POMGNT1: variants seen among roughly 807,000 people sequenced by gnomAD.
The protein encoded by POMGNT1 is protein O-linked mannose N-acetylglucosaminyltransferase 1 (beta 1,2-).
Under a neutral mutation model 95.6 loss-of-function variants are expected in POMGNT1, and 67 were observed. The observed-to-expected ratio is 0.70, with a 90% CI of 0.58 to 0.86. The LOEUF is 0.86. Among genes scored for constraint, POMGNT1 ranks in the 40% least tolerant of loss-of-function variants. POMGNT1 has a pLI of 0.00. For synonymous variants in POMGNT1, 298 were observed against 317.9 expected (o/e 0.94, Z 0.66); for missense variants, 719 against 855.2 (o/e 0.84, Z 1.99).
Position 46,194,356 on chromosome 1 carries a change from C to CG in POMGNT1, c.796dup (p.Arg266ProfsTer8). 6.2e-7 allele frequency: 1 copy of CG among 1,614,206 alleles called. No homozygotes were observed. Among genetic ancestry groups the CG allele is most frequent in the Non-Finnish European group, 8.5e-7 (1 of 1,180,048 alleles). ...GCCCTCAACTTTGCTGCAGAAGCGC[C>CG]GGCGGCGACGGTTCAGCTCTGTGTC... On this transcript the variant is annotated frameshift_variant, in exon 9 of 22. Coordinates refer to ENST00000371984, the MANE Select transcript of POMGNT1 (RefSeq NM_017739.4). LOFTEE classifies it high-confidence loss of function.
chr1:46,201,256 A>G (rs1289341651), upstream of POMGNT1, among the ~76,000 whole-genome samples: 2 of 152,008 alleles, frequency 1.3e-5, no homozygotes, highest in Non-Finnish European at 2.9e-5. Context: ...TCATGCCTGT[A>G]ATCCCAGCAC....
At chr1:46,209,575 C>T (rs528189067) in intron 1 of POMGNT1, among the ~76,000 whole-genome samples, 22 of 132,684 alleles carry the variant, frequency 1.7e-4, no homozygotes, top group African/African-American at 4.8e-4. Context: ...GATGGAGTCT[C>T]GCTCTGTTGC....
chr1:46,193,780 A>T (rs924039073), intron 10 of POMGNT1, 75 bp downstream of exon 10: 54 of 1,603,380 alleles, frequency 3.4e-5, no homozygotes, highest in Non-Finnish European at 6.8e-6. Flanking sequence ...TGCCCACCTC[A>T]AGAGTTCCTC....
chr1:46,190,800 G>C lies in POMGNT1; in HGVS notation c.1540-16C>G. 1.2e-6 allele frequency: 2 copies of C among 1,603,774 alleles called. No homozygotes were observed. Among genetic ancestry groups the C allele is most frequent in the South Asian group, 2.2e-5 (2 of 90,842 alleles). ...AGTAGGCCTCCTGGAGTGGGTATGAGAGTGAAAATCAGCACCTCACATTGT... is the reference window on the plus strand; with the variant it reads ...AGTAGGCCTCCTGGAGTGGGTATGACAGTGAAAATCAGCACCTCACATTGT... On this transcript the variant is annotated splice_polypyrimidine_tract_variant and intron_variant, in intron 17 of 21. Transcript: ENST00000371984.
At chr1:46,211,775 A>T (rs536171343) in intron 1 of POMGNT1, among the ~76,000 whole-genome samples, 268 of 152,122 alleles carry the variant, frequency 1.8e-3, no homozygotes, top group African/African-American at 3.6e-3. Flanking sequence ...ATATATATAT[A>T]TTTTTTTGAG....
At chr1:46,220,030 G>A (rs1471744115) in exon 1 of POMGNT1, 18 of 1,614,256 alleles carry the variant, frequency 1.1e-5, no homozygotes, top group Middle Eastern at 1.6e-4. Flanking sequence ...GTTATAGCTG[G>A]TGGAGAGAGG....
chr1:46,193,706 A>G, intron 10 of POMGNT1, 67 bp from the exon 11 acceptor site: 1 of 1,609,242 alleles, frequency 6.2e-7, no homozygotes, highest in Non-Finnish European at 8.5e-7. Flanking sequence ...CTGTGTTTAC[A>G]GCTGGGCCCA....
intron 1 of POMGNT1, among the ~76,000 whole-genome samples, chr1:46,211,481 A>G (rs527714086): frequency 1.6e-3 from 241 of 151,854 alleles, no homozygotes; most frequent in African/African-American, 5.7e-3. Context: ...ACACACACAC[A>G]GTAATATCAC....
In POMGNT1 at chr1:46,219,990, G is replaced by A. The variant is rs1408089543; in HGVS notation, c.-336C>T. 5 of 1,614,150 alleles carry A rather than the reference G, an allele frequency of 3.1e-6. No individual in the cohort carries two copies. In the East Asian group the frequency reaches 1.1e-4, roughly 36 times the overall value. On this transcript the variant is annotated 5_prime_UTR_variant, in exon 1 of 23. Transcript: ENST00000371992. ...GCTGGATGAACAGGGCCCACCTGGG[G>A]CTCCACGTTCCGAGATGGACTGGGC... is the stretch of plus-strand genomic sequence containing the variant.
At chr1:46,212,032 G>A (rs1458655507) in intron 1 of POMGNT1, among the ~76,000 whole-genome samples, 2 of 152,048 alleles carry the variant, frequency 1.3e-5, no homozygotes, top group Admixed American at 1.3e-4. Flanking sequence ...AAAGTGCCGG[G>A]ATTACAGGAG....
upstream of POMGNT1, among the ~76,000 whole-genome samples, chr1:46,202,920 G>GGGTGTGT (rs1658586504): frequency 1.6e-5 from 1 of 64,516 alleles, no homozygotes; most frequent in African/African-American, 6.6e-5. Flanking sequence ...GGGGGGGGGT[G>GGGTGTGT]GTGTGTGTGT....
intron 6 of POMGNT1, chr1:46,195,384 C>A: frequency 5.3e-6 from 2 of 373,854 alleles, no homozygotes; most frequent in South Asian, 4.5e-5. Context: ...CTCCTCAATT[C>A]CTCAGCTTTC....
intron 6 of POMGNT1, chr1:46,195,599 G>C (rs1040550353): frequency 1.6e-6 from 1 of 628,706 alleles, no homozygotes; most frequent in African/African-American, 1.8e-5. Context: ...GTTTCCCATT[G>C]TATCTTCAGC....
chr1:46,203,440 T>C, intron 1 of POMGNT1: 1 of 1,477,898 alleles, frequency 6.8e-7, no homozygotes, highest in Non-Finnish European at 9.0e-7. Flanking sequence ...GAGGGGACCG[T>C]GGAGTCCCAG....
intron 2 of POMGNT1, chr1:46,197,490 T>C (rs766752189): frequency 2.7e-6 from 4 of 1,487,168 alleles, no homozygotes; most frequent in Non-Finnish European, 3.6e-6. Flanking sequence ...CAGGCTTCCG[T>C]CAGAAGCTTA....
chr1:46,197,229 T>G, intron 2 of POMGNT1, 145 bp from the exon 3 acceptor site: 1 of 1,566,960 alleles, frequency 6.4e-7, no homozygotes, highest in Non-Finnish European at 8.6e-7. Flanking sequence ...TCTACTCCCC[T>G]GACCAGGGCC....
At chr1:46,209,959 T>C (rs1658842178) in intron 1 of POMGNT1, among the ~76,000 whole-genome samples, 1 of 152,206 alleles carries the variant, frequency 6.6e-6, no homozygotes, top group Admixed American at 6.6e-5. Flanking sequence ...ACTAGGACAG[T>C]TGTCTTCACT....
intron 18 of POMGNT1, 48 bp from the exon 19 acceptor site, chr1:46,190,565 T>TC (rs1657685355): frequency 1.3e-6 from 2 of 1,550,402 alleles, no homozygotes; most frequent in Non-Finnish European, 1.8e-6. Flanking sequence ...GGCCCTCAGG[T>TC]CCCATGGGTA....
At chr1:46,215,745 T>A (rs1380217056) in intron 1 of POMGNT1, among the ~76,000 whole-genome samples, 4 of 151,968 alleles carry the variant, frequency 2.6e-5, no homozygotes, top group East Asian at 1.9e-4. Flanking sequence ...AAAAAAAATT[T>A]AAAAATTAGC....
Sources: gnomAD v4.1 joint callset for allele counts (sites outside exome capture counted in the v4.1 genomes callset) on GRCh38, gnomAD v4.1.1 for gene constraint, MANE v1.5 for transcripts, NCBI Gene and HGNC (gene_info 2026-07-23, HGNC 2026-07-21) for gene names.